Variants in TMEM117 observed in about 807,000 individuals in gnomAD.
TMEM117 encodes the protein transmembrane protein 117.
In TMEM117, 27 loss-of-function variants were observed where a neutral mutation model predicts 52.4. The ratio of observed to expected loss-of-function variants is 0.51; its 90% CI spans 0.38 to 0.71. The LOEUF is 0.71. Among genes scored for constraint, TMEM117 ranks in the 30% least tolerant of loss-of-function variants. The probability of loss-of-function intolerance (pLI) is 0.00; values close to 1 mark genes in which losing one functional copy is unlikely to be tolerated. For synonymous variants in TMEM117, 215 were observed against 206.3 expected, an observed-to-expected ratio of 1.04 and a Z score of -0.36; for missense variants, 556 against 630.5, an observed-to-expected ratio of 0.88 and a Z score of 1.26.
chr12:44,297,354 A>G (rs1044997052), intron 5 of TMEM117, among the ~76,000 whole-genome samples: 2 of 152,202 alleles, frequency 1.3e-5, no homozygotes, highest in African/African-American at 4.8e-5. Flanking sequence ...TAAAAATACC[A>G]CAGAGCACAG....
At chr12:44,192,657 G>T (rs1949369834) in intron 4 of TMEM117, among the ~76,000 whole-genome samples, 1 of 152,080 alleles carries the variant, frequency 6.6e-6, no homozygotes, top group African/African-American at 2.4e-5. Context: ...TAATTAGTTT[G>T]AAAAAATATT....
intron 3 of TMEM117, among the ~76,000 whole-genome samples, chr12:44,075,093 G>C (rs567778016): frequency 6.6e-6 from 1 of 152,236 alleles, no homozygotes; most frequent in African/African-American, 2.4e-5. Flanking sequence ...TTTTTAGACT[G>C]GCTTAGTCAT....
At chr12:44,116,228 C>T (rs1321356377) in intron 3 of TMEM117, among the ~76,000 whole-genome samples, 5 of 152,150 alleles carry the variant, frequency 3.3e-5, no homozygotes, top group East Asian at 1.9e-4. Context: ...TTTGTTATAT[C>T]GCTTTACAAT....
intron 2 of TMEM117, among the ~76,000 whole-genome samples, chr12:43,875,195 AG>A (rs1181476109): frequency 1.3e-5 from 2 of 150,308 alleles, no homozygotes; most frequent in African/African-American, 4.9e-5. Context: ...AACTCAGGAC[AG>A]GGGGTTGAAA....
At chr12:44,377,244 A>T (rs548730281) in intron 7 of TMEM117, among the ~76,000 whole-genome samples, 221 of 152,216 alleles carry the variant, frequency 1.5e-3, no homozygotes, top group Non-Finnish European at 2.7e-3. Context: ...GATCTTGTTC[A>T]TTGGATGGGT....
At chr12:43,824,562 T>C in the TMEM117 span, among the ~76,000 whole-genome samples, 4 of 152,194 alleles carry the variant, frequency 2.6e-5, no homozygotes, top group Admixed American at 6.5e-5. Flanking sequence ...TTGTCATGCT[T>C]GCTCAGGGAA....
chr12:44,154,485 C>T (rs544942149), intron 4 of TMEM117, among the ~76,000 whole-genome samples: 27 of 151,994 alleles, frequency 1.8e-4, no homozygotes, highest in South Asian at 6.2e-4. Context: ...CAGCACCTCT[C>T]GTAAAGATTT....
intron 3 of TMEM117, among the ~76,000 whole-genome samples, chr12:44,039,304 C>T (rs1437050764): frequency 6.6e-6 from 1 of 151,652 alleles, no homozygotes; most frequent in African/African-American, 2.4e-5. Context: ...GGGCTCTGTA[C>T]TCCTGCTAAT....
chr12:44,190,688 GC>G (rs910087075), intron 4 of TMEM117, among the ~76,000 whole-genome samples: 20 of 151,952 alleles, frequency 1.3e-4, no homozygotes, highest in Admixed American at 3.3e-4. Flanking sequence ...CATGAAACCT[GC>G]CCAGCCCTCA....
At chr12:44,152,259 T>G (rs1948745386) in intron 4 of TMEM117, among the ~76,000 whole-genome samples, 1 of 105,792 alleles carries the variant, frequency 9.5e-6, no homozygotes, top group Admixed American at 1.2e-4. Flanking sequence ...AAATATAAAA[T>G]GTATAATCAT....
the TMEM117 span, among the ~76,000 whole-genome samples, chr12:43,801,638 T>C: frequency 6.6e-6 from 1 of 152,188 alleles, no homozygotes; most frequent in African/African-American, 2.4e-5. Flanking sequence ...CAAAATTTAA[T>C]ATTATGTTCA....
intron 5 of TMEM117, among the ~76,000 whole-genome samples, chr12:44,251,747 T>TA (rs1162410975): frequency 6.6e-6 from 1 of 152,050 alleles, no homozygotes; most frequent in Non-Finnish European, 1.5e-5. Flanking sequence ...TCAAAGAAAA[T>TA]ATTTAAAGTC....
Position 44,067,085 on chromosome 12 carries a change from G to A in TMEM117, c.411-76440G>A, listed in dbSNP as rs75663054. On this transcript the variant is annotated intron_variant, in intron 3 of 7. Coordinates refer to ENST00000266534, the MANE Select transcript of TMEM117 (RefSeq NM_032256.3). ...TACTTTCTTTGCTCATTTATAAGAA[G>A]CAACTCATCATCTGTTAGTTTTATC... 6.6e-3 allele frequency among the ~76,000 whole-genome samples: 1,003 copies of A among 151,852 alleles called. 6 individuals carry two copies. Among genetic ancestry groups the A allele is most frequent in the Non-Finnish European group, 0.011 (760 of 67,870 alleles).
rs1278695371 is a variant in TMEM117 at position 44,159,146 on chromosome 12, G to A, written c.510+15522G>A. 2.0e-5 allele frequency among the ~76,000 whole-genome samples: 3 copies of A among 152,272 alleles called. No homozygotes were observed. The East Asian group carries it at 5.8e-4, about 29-fold the overall frequency. ...ATATTGGTTCTGAGATAATATTTCA[G>A]CAGCAGAAATGGTGAATGGCAATCC... On this transcript the variant is annotated intron_variant, in intron 4 of 7. Transcript: ENST00000266534.
chr12:44,169,069 A>G (rs1333221199), intron 4 of TMEM117, among the ~76,000 whole-genome samples: 1 of 152,152 alleles, frequency 6.6e-6, no homozygotes, highest in South Asian at 2.1e-4. Flanking sequence ...TCTATTTTGT[A>G]TGTATACTAA....
intron 3 of TMEM117, among the ~76,000 whole-genome samples, chr12:43,997,575 A>G (rs943480781): frequency 6.6e-6 from 1 of 152,150 alleles, no homozygotes; most frequent in Non-Finnish European, 1.5e-5. Flanking sequence ...CTTAAGTTCT[A>G]AAAATAAGAA....
chr12:44,245,386 T>C (rs747094442), intron 5 of TMEM117, among the ~76,000 whole-genome samples: 91 of 151,998 alleles, frequency 6.0e-4, no homozygotes, highest in Non-Finnish European at 1.0e-3. Context: ...ATCAATATTT[T>C]ATAGTTTTCA....
intron 6 of TMEM117, among the ~76,000 whole-genome samples, chr12:44,311,913 GTA>G (rs139786914): frequency 0.082 from 10,480 of 127,732 alleles, 757 homozygotes; most frequent in Middle Eastern, 0.2. Flanking sequence ...ATATATGTGT[GTA>G]TATATATATA....
At chr12:44,059,461 T>C (rs1947106401) in intron 3 of TMEM117, among the ~76,000 whole-genome samples, 1 of 152,204 alleles carries the variant, frequency 6.6e-6, no homozygotes, top group South Asian at 2.1e-4. Context: ...GTAGCAGATG[T>C]ATTTTAGTTG....
Sources: gnomAD v4.1 joint callset for allele counts (sites outside exome capture counted in the v4.1 genomes callset) on GRCh38, gnomAD v4.1.1 for gene constraint, MANE v1.5 for transcripts, NCBI Gene and HGNC (gene_info 2026-07-23, HGNC 2026-07-21) for gene names.